PIK3C2A: variants seen among roughly 807,000 people sequenced by gnomAD.
PIK3C2A encodes phosphatidylinositol-4-phosphate 3-kinase catalytic subunit type 2 alpha.
PIK3C2A carries 97 observed loss-of-function variants against 204.5 expected under a neutral mutation model. The ratio of observed to expected loss-of-function variants is 0.47; its 90% confidence interval spans 0.40 to 0.56. The LOEUF (loss-of-function observed/expected upper bound fraction) is 0.56. Among genes scored for constraint, PIK3C2A ranks in the 20% least tolerant of loss-of-function variants. The probability of loss-of-function intolerance (pLI) is 0.00; values close to 1 mark genes in which losing one functional copy is unlikely to be tolerated. For synonymous variants in PIK3C2A, 653 were observed against 664.4 expected (o/e 0.98, Z 0.26); for missense variants, 1,735 against 1,969.2 (o/e 0.88, Z 2.25).
At chr11:17,150,366 G>T in intron 4 of PIK3C2A, 132 bp downstream of exon 4, 1 of 648,722 alleles carries the variant, frequency 1.5e-6, no homozygotes, top group South Asian at 3.1e-5. Flanking sequence ...TAGTTCTAAC[G>T]AGAAAACTAT....
At chr11:17,198,934 C>T (rs552639091) in intron 1 of PIK3C2A, among the ~76,000 whole-genome samples, 11 of 152,140 alleles carry the variant, frequency 7.2e-5, no homozygotes, top group African/African-American at 2.4e-4. Flanking sequence ...GCCTGGCCAA[C>T]GTGGTGAAAC....
At chr11:17,204,935 T>C (rs1306984602) in intron 1 of PIK3C2A, among the ~76,000 whole-genome samples, 1 of 152,166 alleles carries the variant, frequency 6.6e-6, no homozygotes, top group African/African-American at 2.4e-5. Context: ...CCCAGTACTT[T>C]GGGAGGGCGA....
chr11:17,155,536 A>G lies in PIK3C2A; in HGVS notation c.1159T>C (p.Ser387Pro). ...QNEEMAAFCR[S>P]ITKLKTKFPY... ...AGAAAAATTCCTTACTTTGTAATGG[A>G]TCGACAAAAAGCTGCCATCTCCTCA... Residue 387 changes from serine to proline, a missense_variant, in exon 3 of 33, where the codon TCC (serine) becomes CCC (proline). Physicochemically the swap from Ser to Pro is moderately conservative, Grantham distance 74 (BLOSUM62 -1). Transcript: ENST00000691414. 3.8e-6 allele frequency: 6 copies of G among 1,581,148 alleles called. No individual in the cohort carries two copies. The highest frequency in any genetic ancestry group is 1.1e-5 in the South Asian group (1 of 87,666).
At chr11:17,167,119 T>G (rs1009400936) in intron 2 of PIK3C2A, among the ~76,000 whole-genome samples, 5 of 152,064 alleles carry the variant, frequency 3.3e-5, no homozygotes, top group African/African-American at 9.7e-5. Flanking sequence ...CACAGGAGTA[T>G]GCCATCACGC....
chr11:17,201,584 C>A (rs1026302009), intron 1 of PIK3C2A, among the ~76,000 whole-genome samples: 2 of 149,632 alleles, frequency 1.3e-5, no homozygotes, highest in Admixed American at 1.3e-4. Flanking sequence ...CCTAAACCTA[C>A]GTTTTATGTT....
chr11:17,158,857 C>G (rs1038185609), intron 2 of PIK3C2A, among the ~76,000 whole-genome samples: 1 of 152,022 alleles, frequency 6.6e-6, no homozygotes, highest in African/African-American at 2.4e-5. Flanking sequence ...TCCTTTTATT[C>G]AAGTTACGAG....
chr11:17,196,954 A>C (rs777073671), intron 1 of PIK3C2A, among the ~76,000 whole-genome samples: 3 of 152,148 alleles, frequency 2.0e-5, no homozygotes, highest in Non-Finnish European at 2.9e-5. Context: ...AGAGTGAGCC[A>C]TGGGAAAAGT....
At position 17,088,237 on chromosome 11, in the gene PIK3C2A, T is replaced by A. The variant is rs1848203361; in HGVS notation, c.*1501A>T. On this transcript the variant is annotated 3_prime_UTR_variant, in exon 33 of 33. Transcript: ENST00000691414. ...TCTGAAGTTGAGTAACTAATAAAAA[T>A]GAATCTTACTCTTTTTTTCTTTTTT... is the stretch of plus-strand genomic sequence containing the variant. 6.6e-6 allele frequency: 1 copy of A among 152,104 alleles called. No individual in the cohort carries two copies. Among genetic ancestry groups the A allele is most frequent in the South Asian group, 2.1e-4 (1 of 4,828 alleles). 9.4% of individuals were successfully genotyped at this position (152,104 alleles called of 1,614,324 possible).
At chr11:17,179,326 T>A (rs1430662016) in intron 1 of PIK3C2A, among the ~76,000 whole-genome samples, 1 of 152,028 alleles carries the variant, frequency 6.6e-6, no homozygotes, top group East Asian at 1.9e-4. Flanking sequence ...TACATCCAAC[T>A]AATTTTTAAA....
At position 17,188,795 on chromosome 11, in the gene PIK3C2A, G is replaced by A. The variant is rs1212319966; in HGVS notation, c.-65-18989C>T. ...AGTACAAGGCAGTTATCTTCCAAAG[G>A]AGGATTGGCAAGTGGCAGACAGAAA... On this transcript the variant is annotated intron_variant, in intron 1 of 32. Transcript: ENST00000691414. 4.1e-5 allele frequency among the ~76,000 whole-genome samples: 6 copies of A among 146,984 alleles called. 2 individuals are homozygous for A. Among genetic ancestry groups the A allele is most frequent in the South Asian group, 4.1e-4 (2 of 4,826 alleles).
rs1235738182 is a variant in PIK3C2A, at chr11:17,117,513, T to G, written c.3194A>C (p.Gln1065Pro). ...TACCTGTCTGGCTGATCCACTAGCCTGCCTTACTTTTTCTGCTACTCCTCC... is the reference window on the plus strand; with the variant it reads ...TACCTGTCTGGCTGATCCACTAGCCGGCCTTACTTTTTCTGCTACTCCTCC... ...LLGGVAEKVR[Q>P]ASGSARQVVL... Residue 1065 changes from glutamine to proline, a missense_variant, in exon 19 of 33, where the codon CAG (glutamine) becomes CCG (proline). Coordinates refer to ENST00000691414, the MANE Select transcript of PIK3C2A (RefSeq NM_002645.4). 1.9e-6 allele frequency: 3 copies of G among 1,613,420 alleles called. No individual in the cohort carries two copies. Among genetic ancestry groups the G allele is most frequent in the South Asian group, 1.1e-5 (1 of 91,062 alleles).
At chr11:17,152,690 G>A (rs1362969171) in intron 3 of PIK3C2A, among the ~76,000 whole-genome samples, 1 of 152,062 alleles carries the variant, frequency 6.6e-6, no homozygotes, top group African/African-American at 2.4e-5. Context: ...TCTATTTAGT[G>A]TGGCTCTACA....
chr11:17,117,775 GCC>G (rs1849251719), intron 18 of PIK3C2A, 104 bp from the exon 19 acceptor site: 1 of 608,224 alleles, frequency 1.6e-6, no homozygotes, highest in Admixed American at 3.1e-5. Flanking sequence ...GTGCAGTGGC[GCC>G]ATCTCGGCTC....
Position 17,088,561 on chromosome 11 carries a change from T to C in PIK3C2A, c.*1177A>G, listed in dbSNP as rs543050185. ...CCGGCCGAATCTTATTCTTACTGGT[T>C]ACTGTAGAATAATTTCAGTCCTGTC... On this transcript the variant is annotated 3_prime_UTR_variant, in exon 33 of 33. Transcript: ENST00000691414. 1 of 152,356 alleles carries C rather than the reference T, an allele frequency of 6.6e-6. No individual in the cohort carries two copies. Among genetic ancestry groups the C allele is most frequent in the South Asian group, 2.1e-4 (1 of 4,830 alleles). The allele number at this position is 152,356 out of a possible 1,614,324, so 9.4% of individuals were successfully genotyped here. A position where few individuals can be genotyped will look rare whatever the true frequency, so the allele number is the denominator to read the frequency against.
At chr11:17,193,973 G>A (rs1852048998) in intron 1 of PIK3C2A, 1 of 350,602 alleles carries the variant, frequency 2.9e-6, no homozygotes, top group East Asian at 5.1e-5. Context: ...AAATTCCTGA[G>A]GAACATGTGC....
intron 1 of PIK3C2A, among the ~76,000 whole-genome samples, chr11:17,196,342 T>C (rs1372747204): frequency 6.6e-6 from 1 of 152,220 alleles, no homozygotes; most frequent in Non-Finnish European, 1.5e-5. Context: ...AAGATCCCTA[T>C]TGTTCTGTGG....
intron 8 of PIK3C2A, among the ~76,000 whole-genome samples, chr11:17,144,734 A>C (rs1038351218): frequency 6.6e-5 from 10 of 151,812 alleles, no homozygotes; most frequent in African/African-American, 2.4e-4. Context: ...ATCTCTACTA[A>C]AAAATATAAA....
chr11:17,186,545 A>G (rs536628), intron 1 of PIK3C2A, among the ~76,000 whole-genome samples: 86,887 of 152,054 alleles, frequency 0.57, 25,143 homozygotes, highest in East Asian at 0.82. Flanking sequence ...AGATATAATA[A>G]AGAGATACAA....
At chr11:17,198,384 A>G (rs1041549992) in intron 1 of PIK3C2A, among the ~76,000 whole-genome samples, 4 of 152,082 alleles carry the variant, frequency 2.6e-5, no homozygotes, top group African/African-American at 9.7e-5. Flanking sequence ...TGCTGGGATT[A>G]CAGGCATCAG....
Sources: gnomAD v4.1 joint callset for allele counts (sites outside exome capture counted in the v4.1 genomes callset) on GRCh38, gnomAD v4.1.1 for gene constraint, MANE v1.5 for transcripts, NCBI Gene and HGNC (gene_info 2026-07-23, HGNC 2026-07-21) for gene names.